ZNF143: variants seen among roughly 807,000 people sequenced by gnomAD.
ZNF143 encodes zinc finger protein 143, also known as SPH-binding factor.
ZNF143 carries 49 observed loss-of-function variants against 74.1 expected under a neutral mutation model. The observed-to-expected ratio is 0.66, with a 90% CI of 0.53 to 0.84. The LOEUF is 0.84. ZNF143 is among the 40% of genes least tolerant of loss of function. ZNF143 has a pLI of 0.00. For missense variants in ZNF143, 637 were observed against 793.4 expected (o/e 0.80, Z 2.37); for synonymous variants, 304 against 282.8 (o/e 1.07, Z -0.75).
intron 11 of ZNF143, among the ~76,000 whole-genome samples, chr11:9,504,373 A>C (rs187375312): frequency 7.9e-6 from 1 of 127,366 alleles, no homozygotes; most frequent in African/African-American, 2.5e-5. Context: ...TGAGTTGTAT[A>C]ACTTTAATTC....
chr11:9,519,003 T>A (rs1848819565), intron 14 of ZNF143, among the ~76,000 whole-genome samples: 1 of 152,214 alleles, frequency 6.6e-6, no homozygotes, highest in Non-Finnish European at 1.5e-5. Flanking sequence ...ATCTGGTTTT[T>A]TCTTAATTGA....
chr11:9,510,273 C>T (rs1206825484), intron 12 of ZNF143, among the ~76,000 whole-genome samples: 5 of 151,872 alleles, frequency 3.3e-5, no homozygotes, highest in East Asian at 1.9e-4. Context: ...TACAGGCGCC[C>T]GCCACCATGC....
rs1464284355 is a variant in ZNF143, at chr11:9,472,780, C to G, written c.205+11C>G. 2 of 1,541,086 alleles carry G rather than the reference C, an allele frequency of 1.3e-6. No homozygotes were observed. The highest frequency in any genetic ancestry group is 2.5e-5 in the South Asian group (2 of 79,522). ...AACACAATTCTAAAGGTATGTGCCT[C>G]ACATATGGCTGATTGGTTAATACCA... On this transcript the variant is annotated intron_variant, in intron 3 of 15. Transcript: ENST00000396602.
intron 12 of ZNF143, among the ~76,000 whole-genome samples, chr11:9,511,998 A>C (rs1848567711): frequency 6.8e-6 from 1 of 147,350 alleles, no homozygotes; most frequent in Non-Finnish European, 1.5e-5. Flanking sequence ...TGATCCACCC[A>C]CCTCAGCCTC....
At chr11:9,522,874 C>T (rs750274505) in intron 14 of ZNF143, among the ~76,000 whole-genome samples, 32 of 150,874 alleles carry the variant, frequency 2.1e-4, no homozygotes, top group South Asian at 1.5e-3. Flanking sequence ...TGGTTCTCCT[C>T]CCTCAGCCTC....
At chr11:9,510,974 G>C (rs1286272731) in intron 12 of ZNF143, among the ~76,000 whole-genome samples, 1 of 152,056 alleles carries the variant, frequency 6.6e-6, no homozygotes, top group Non-Finnish European at 1.5e-5. Flanking sequence ...ATTGTGTACT[G>C]ATGGTTTGCA....
At chr11:9,486,750 C>T (rs992676645) in intron 7 of ZNF143, among the ~76,000 whole-genome samples, 5 of 149,752 alleles carry the variant, frequency 3.3e-5, no homozygotes, top group Admixed American at 2.0e-4. Flanking sequence ...CTCACTGCAG[C>T]CTTTGCCACC....
intron 14 of ZNF143, among the ~76,000 whole-genome samples, chr11:9,520,184 C>CA (rs1356115589): frequency 6.6e-6 from 1 of 151,452 alleles, no homozygotes; most frequent in Admixed American, 6.6e-5. Flanking sequence ...TACAGGCACC[C>CA]ACCAGCATGC....
At chr11:9,478,950 G>A (rs1281326719) in intron 6 of ZNF143, among the ~76,000 whole-genome samples, 3 of 152,090 alleles carry the variant, frequency 2.0e-5, no homozygotes, top group South Asian at 2.1e-4. Flanking sequence ...GTAATTCACC[G>A]AAAGATATAC....
At chr11:9,476,843 T>C (rs1446828973) in intron 5 of ZNF143, among the ~76,000 whole-genome samples, 1 of 122,160 alleles carries the variant, frequency 8.2e-6, no homozygotes, top group African/African-American at 3.1e-5. Context: ...CACTGCAAGC[T>C]CCGCCTCCTG....
intron 3 of ZNF143, among the ~76,000 whole-genome samples, chr11:9,473,616 C>T (rs1856714178): frequency 6.6e-6 from 1 of 152,108 alleles, no homozygotes; most frequent in Non-Finnish European, 1.5e-5. Context: ...AGCTTCAACT[C>T]CCCACTGGTC....
intron 12 of ZNF143, 131 bp from the exon 13 acceptor site, chr11:9,512,317 C>A: frequency 8.5e-7 from 1 of 1,181,790 alleles, no homozygotes. Flanking sequence ...GTCCTGGAAG[C>A]CATTTTCGTG....
At chr11:9,487,334 A>G (rs975457433) in intron 7 of ZNF143, among the ~76,000 whole-genome samples, 2 of 151,240 alleles carry the variant, frequency 1.3e-5, no homozygotes, top group Non-Finnish European at 2.9e-5. Context: ...TGGTGAGTTT[A>G]TGGCAGAGCT....
chr11:9,488,635 TAAC>T (rs939863338), intron 7 of ZNF143, among the ~76,000 whole-genome samples: 8 of 152,332 alleles, frequency 5.3e-5, no homozygotes, highest in African/African-American at 1.9e-4. Context: ...ACTCCTGTGA[TAAC>T]AATTATTATA....
At chr11:9,494,567 TC>T in intron 7 of ZNF143, 78 bp from the exon 8 acceptor site, 1 of 1,447,270 alleles carries the variant, frequency 6.9e-7, no homozygotes, top group South Asian at 1.3e-5. Flanking sequence ...TACCTCTGCC[TC>T]CCCATGTGCT....
chr11:9,498,959 A>G (rs573701298), intron 10 of ZNF143, among the ~76,000 whole-genome samples: 5 of 152,306 alleles, frequency 3.3e-5, no homozygotes, highest in Admixed American at 1.3e-4. Context: ...TCATTCATGC[A>G]CTTTTTATTT....
chr11:9,520,451 CATTGTACT>C (rs1049947584), intron 14 of ZNF143, among the ~76,000 whole-genome samples: 19 of 150,284 alleles, frequency 1.3e-4, no homozygotes, highest in Admixed American at 5.4e-4. Context: ...GAGCCATGTT[CATTGTACT>C]ACAGCCTGGA....
rs61636956 is a variant in ZNF143 at position 9,475,910 on chromosome 11, A to ATGTGTGTGTG, written c.373+1313_373+1322dup. On this transcript the variant is annotated intron_variant, in intron 5 of 15. Transcript: ENST00000396602. Reference sequence around the variant, plus strand: ...GAGACCCTGTCTCAAAAAAATATATATGTGTGTGTGTGTGTGTGTGTGTGT... The same window carrying ATGTGTGTGTG: ...GAGACCCTGTCTCAAAAAAATATATATGTGTGTGTGTGTGTGTGTGTGTGTGTGTGTGTGT... 3.7e-3 allele frequency among the ~76,000 whole-genome samples: 505 copies of ATGTGTGTGTG among 137,358 alleles called. 3 individuals are homozygous for ATGTGTGTGTG. The highest frequency in any genetic ancestry group is 0.01 in the East Asian group (48 of 4,642). 90.1% of individuals were successfully genotyped at this position (137,358 alleles called of 152,430 possible).
intron 15 of ZNF143, among the ~76,000 whole-genome samples, chr11:9,526,715 T>G (rs1333030286): frequency 6.6e-6 from 1 of 152,148 alleles, no homozygotes; most frequent in Admixed American, 6.5e-5. Context: ...GTGCTACGAT[T>G]ATAGTCATGA....
Sources: allele counts gnomAD v4.1 joint callset (sites outside exome capture counted in the v4.1 genomes callset), GRCh38; gene constraint gnomAD v4.1.1; transcripts MANE v1.5; gene names NCBI Gene and HGNC (gene_info 2026-07-23, HGNC 2026-07-21).